Variants in CLRN1 observed in about 807,000 individuals in gnomAD.
CLRN1 encodes the protein clarin 1, also known as clarin-1.
A neutral mutation model predicts 18.7 loss-of-function variants in CLRN1; 15 were observed. The observed-to-expected ratio is 0.80, with a 90% CI of 0.54 to 1.23. The LOEUF is 1.23. Among genes scored for constraint, CLRN1 ranks in the 50% most tolerant of loss-of-function variants. CLRN1 has a pLI of 0.00. For synonymous variants in CLRN1, 104 were observed against 102.9 expected (o/e 1.01, Z -0.07); for missense variants, 311 against 277.5 (o/e 1.12, Z -0.86).
chr3:150,953,142 T>C (rs1230311598), intron 1 of CLRN1, among the ~76,000 whole-genome samples: 1 of 152,202 alleles, frequency 6.6e-6, no homozygotes, highest in African/African-American at 2.4e-5. Flanking sequence ...TTCTTTTAGA[T>C]TTAGGATTAC....
intron 1 of CLRN1, among the ~76,000 whole-genome samples, chr3:150,963,727 A>G (rs1399579873): frequency 1.3e-5 from 2 of 152,220 alleles, no homozygotes; most frequent in Non-Finnish European, 2.9e-5. Flanking sequence ...ACAGAGACCA[A>G]TGAAACAGAA....
chr3:150,966,015 T>G (rs566297451), intron 1 of CLRN1, among the ~76,000 whole-genome samples: 1 of 152,356 alleles, frequency 6.6e-6, no homozygotes, highest in East Asian at 1.9e-4. Flanking sequence ...GTTCCTCTTC[T>G]GGGTAAAGAA....
At chr3:150,953,897 T>C (rs1424744555) in intron 1 of CLRN1, among the ~76,000 whole-genome samples, 1 of 152,242 alleles carries the variant, frequency 6.6e-6, no homozygotes, top group Non-Finnish European at 1.5e-5. Context: ...ATCCTTAATG[T>C]ATAGATTTCA....
Position 150,927,573 on chromosome 3 carries a change from T to G in CLRN1, c.*363A>C, listed in dbSNP as rs1462012068. ...GTGTGGATATATTAGAGATATTATT[T>G]GTTTTTATTAAAATATATTCCATGT... On this transcript the variant is annotated 3_prime_UTR_variant, in exon 3 of 3. Transcript: ENST00000327047. 1 of 463,168 alleles carries G rather than the reference T, an allele frequency of 2.2e-6. No individual in the cohort carries two copies. Among genetic ancestry groups the G allele is most frequent in the Admixed American group, 2.4e-5 (1 of 42,522 alleles). The allele number at this position is 463,168 out of a possible 1,614,324, so 28.7% of individuals were successfully genotyped here.
chr3:150,954,849 A>G (rs1323604564), intron 1 of CLRN1, among the ~76,000 whole-genome samples: 1 of 152,218 alleles, frequency 6.6e-6, no homozygotes, highest in East Asian at 1.9e-4. Flanking sequence ...TTGTTTCAGA[A>G]CTTAGAAAAC....
intron 2 of CLRN1, 128 bp from the exon 3 acceptor site, chr3:150,928,329 T>C (rs1466795845): frequency 8.5e-7 from 1 of 1,177,956 alleles, no homozygotes; most frequent in Non-Finnish European, 1.2e-6. Flanking sequence ...CACAAAAAAT[T>C]ATTGCATATT....
chr3:150,972,526 C>T lies in CLRN1; in HGVS notation c.183G>A (p.Met61Ile), dbSNP rs140094683. 296 of 1,614,242 alleles carry T rather than the reference C, an allele frequency of 1.8e-4. No individual in the cohort carries two copies. The highest frequency in any genetic ancestry group is 1.3e-3 in the Middle Eastern group (8 of 6,062). Residue 61 changes from methionine to isoleucine, a missense_variant, in exon 1 of 3, where the codon ATG becomes ATA. Met to Ile is a conservative substitution (Grantham distance 10). Transcript: ENST00000327047. Reference protein sequence around the residue: ...GQELDKFMGEMQYGLFHGEGV... With the variant: ...GQELDKFMGEIQYGLFHGEGV... Reference sequence around the variant, plus strand: ...CCTCTCCGTGGAAAAGCCCGTACTGCATTTCACCCATAAACTTGTCCAGCT... The same window carrying T: ...CCTCTCCGTGGAAAAGCCCGTACTGTATTTCACCCATAAACTTGTCCAGCT...
chr3:150,950,221 C>T (rs1383875077), intron 1 of CLRN1, among the ~76,000 whole-genome samples: 2 of 152,114 alleles, frequency 1.3e-5, no homozygotes, highest in Non-Finnish European at 2.9e-5. Flanking sequence ...AGAAGACAAC[C>T]TAGGCAATAT....
chr3:150,934,613 G>C (rs1268306696), intron 2 of CLRN1, among the ~76,000 whole-genome samples: 1 of 152,094 alleles, frequency 6.6e-6, no homozygotes, highest in Non-Finnish European at 1.5e-5. Flanking sequence ...TGTCAAGTCT[G>C]CCAGCTGGCC....
At chr3:150,954,695 C>G (rs1029886101) in intron 1 of CLRN1, among the ~76,000 whole-genome samples, 2 of 152,192 alleles carry the variant, frequency 1.3e-5, no homozygotes, top group Non-Finnish European at 2.9e-5. Flanking sequence ...TGCAAGGTCA[C>G]AAATATTTTC....
chr3:150,953,200 T>C (rs1204602408), intron 1 of CLRN1, among the ~76,000 whole-genome samples: 2 of 152,250 alleles, frequency 1.3e-5, no homozygotes, highest in Non-Finnish European at 2.9e-5. Context: ...GGAGTTGTCA[T>C]TGATCCAGCA....
chr3:150,941,608 C>T lies in CLRN1; in HGVS notation c.407G>A (p.Gly136Glu), dbSNP rs779258184. ...KPFETLHGPL[G>E]LYLLSFISGS... Reference sequence around the variant, plus strand: ...TGAAATGAAGCTCAAAAGGTACAGCCCTAGGGGACCATGCAGAGTTTCAAA... The same window carrying T: ...TGAAATGAAGCTCAAAAGGTACAGCTCTAGGGGACCATGCAGAGTTTCAAA... Residue 136 changes from glycine to glutamate, a missense_variant, in exon 2 of 3, where the codon GGG (glycine) becomes GAG (glutamate). Physicochemically the swap from Gly to Glu is moderately conservative, Grantham distance 98 (BLOSUM62 -2). Coordinates refer to ENST00000327047, the MANE Select transcript of CLRN1 (RefSeq NM_174878.3). 2.9e-5 allele frequency: 46 copies of T among 1,613,796 alleles called. No homozygotes were observed. In the East Asian group the frequency reaches 9.8e-4, roughly 34 times the overall value.
rs539678457 is a variant in CLRN1 at position 150,962,076 on chromosome 3, G to A, written c.253+10380C>T. On this transcript the variant is annotated intron_variant, in intron 1 of 2. Transcript: ENST00000327047. Reference sequence around the variant, plus strand: ...CCATCAGTGAGTCTTAATCACCCACGGTGGCTTAGGGATGACAGCGGCTGT... The same window carrying A: ...CCATCAGTGAGTCTTAATCACCCACAGTGGCTTAGGGATGACAGCGGCTGT... 5.9e-5 allele frequency among the ~76,000 whole-genome samples: 9 copies of A among 152,232 alleles called. No individual in the cohort carries two copies. The South Asian group carries it at 8.3e-4, about 14-fold the overall frequency.
intron 1 of CLRN1, among the ~76,000 whole-genome samples, chr3:150,969,026 A>G (rs972618158): frequency 3.0e-4 from 45 of 151,976 alleles, no homozygotes; most frequent in African/African-American, 1.1e-3. Context: ...CCACACACAA[A>G]AAAATGAGCA....
intron 1 of CLRN1, among the ~76,000 whole-genome samples, chr3:150,969,493 T>A (rs113160194): frequency 0.034 from 5,158 of 150,884 alleles, 138 homozygotes; most frequent in East Asian, 0.14. Context: ...GCCCGGCTAA[T>A]TTTTTGTATT....
At chr3:150,944,910 C>T (rs1295704993) in intron 1 of CLRN1, among the ~76,000 whole-genome samples, 3 of 152,142 alleles carry the variant, frequency 2.0e-5, no homozygotes, top group Non-Finnish European at 2.9e-5. Context: ...AGATATTTTA[C>T]GTTTGAGTTA....
chr3:150,937,400 C>T (rs1177686604), intron 2 of CLRN1, among the ~76,000 whole-genome samples: 1 of 152,134 alleles, frequency 6.6e-6, no homozygotes, highest in African/African-American at 2.4e-5. Context: ...CAACCCTTAG[C>T]ACTGGCTACA....
chr3:150,945,141 C>T (rs1714098767), intron 1 of CLRN1, among the ~76,000 whole-genome samples: 1 of 152,188 alleles, frequency 6.6e-6, no homozygotes, highest in African/African-American at 2.4e-5. Flanking sequence ...CCTCAATGAC[C>T]TCTCCCTAGT....
intron 2 of CLRN1, chr3:150,941,293 T>C (rs1713826389): frequency 6.7e-6 from 2 of 298,328 alleles, no homozygotes; most frequent in Non-Finnish European, 1.3e-5. Flanking sequence ...GTTTACATAC[T>C]GCTTTTCCCA....
Sources: allele counts gnomAD v4.1 joint callset (sites outside exome capture counted in the v4.1 genomes callset), GRCh38; gene constraint gnomAD v4.1.1; transcripts MANE v1.5; gene names NCBI Gene and HGNC (gene_info 2026-07-23, HGNC 2026-07-21).